The following CALCRL variants were observed in gnomAD, a reference collection of about 807,000 sequenced individuals.
CALCRL encodes calcitonin gene-related peptide type 1 receptor.
A neutral mutation model predicts 60.4 loss-of-function variants in CALCRL; 27 were observed. That is an observed-to-expected ratio of 0.45 (90% CI 0.33 to 0.62). The LOEUF is 0.62. CALCRL is among the 20% of genes least tolerant of loss of function. The pLI is 0.03. For missense variants in CALCRL, 424 were observed against 540.7 expected (o/e 0.78, Z 2.14); for synonymous variants, 190 against 182.6 (o/e 1.04, Z -0.33).
chr2:187,411,231 T>C (rs1410128188), intron 1 of CALCRL, among the ~76,000 whole-genome samples: 1 of 151,786 alleles, frequency 6.6e-6, no homozygotes, highest in Non-Finnish European at 1.5e-5. Context: ...ATATAAACTC[T>C]ATCAAAAGTT....
At chr2:187,417,946 A>G (rs1323810759) in intron 1 of CALCRL, among the ~76,000 whole-genome samples, 1 of 152,198 alleles carries the variant, frequency 6.6e-6, no homozygotes, top group African/African-American at 2.4e-5. Flanking sequence ...CAAAGTGTCA[A>G]GTGTTTACTT....
In CALCRL at chr2:187,346,389, A is replaced by G. The variant is rs750793098; in HGVS notation, c.1181T>C (p.Ile394Thr). 6.2e-7 allele frequency: 1 copy of G among 1,609,390 alleles called. No homozygotes were observed. The highest frequency in any genetic ancestry group is 8.5e-7 in the Non-Finnish European group (1 of 1,176,976). The part of the protein sequence containing the change: ...FCFFNGEVQA[I>T]LRRNWNQYKI... Reference sequence around the variant, plus strand: ...GTATTGATTCCAGTTTCTTCTCAGAATTGCTTGAACCTATCAATCAAAAGG... The same window carrying G: ...GTATTGATTCCAGTTTCTTCTCAGAGTTGCTTGAACCTATCAATCAAAAGG... The change falls in exon 15 of 15, where the codon ATT (isoleucine) becomes ACT (threonine). Residue 394 changes from isoleucine to threonine, a missense_variant. Ile to Thr is a moderately conservative substitution (Grantham distance 89). Coordinates refer to ENST00000392370, the MANE Select transcript of CALCRL (RefSeq NM_005795.6).
intron 1 of CALCRL, among the ~76,000 whole-genome samples, chr2:187,437,557 A>G (rs1455739457): frequency 6.6e-6 from 1 of 151,118 alleles, no homozygotes; most frequent in African/African-American, 2.4e-5. Flanking sequence ...TTTTTTTTCT[A>G]TTTTAAGCTC....
intron 1 of CALCRL, among the ~76,000 whole-genome samples, chr2:187,423,616 T>G (rs58337504): frequency 0.018 from 2,670 of 152,104 alleles, 72 homozygotes; most frequent in African/African-American, 0.061. Flanking sequence ...CAATTGTGTG[T>G]GTGATAGTGT....
At chr2:187,364,915 C>T (rs1316778901) in intron 8 of CALCRL, among the ~76,000 whole-genome samples, 1 of 152,068 alleles carries the variant, frequency 6.6e-6, no homozygotes, top group Non-Finnish European at 1.5e-5. Flanking sequence ...AGCTGGAATC[C>T]ATCAAAATAG....
intron 8 of CALCRL, among the ~76,000 whole-genome samples, chr2:187,366,939 C>CACACAA (rs1230292761): frequency 6.6e-6 from 1 of 151,314 alleles, no homozygotes; most frequent in Non-Finnish European, 1.5e-5. Context: ...CACACACACA[C>CACACAA]ACACACACAC....
chr2:187,444,320 A>G (rs959959090), intron 1 of CALCRL, among the ~76,000 whole-genome samples: 35 of 151,632 alleles, frequency 2.3e-4, no homozygotes, highest in Non-Finnish European at 5.2e-4. Flanking sequence ...AATAAAATAT[A>G]AAACTATAGC....
intron 3 of CALCRL, among the ~76,000 whole-genome samples, chr2:187,386,133 A>AGATAGATAGATAGGT (rs1553509540): frequency 1.3e-5 from 2 of 151,496 alleles, no homozygotes; most frequent in South Asian, 2.1e-4. Flanking sequence ...AACTTCTTAT[A>AGATAGATAGATAGGT]GATAGATAGA....
chr2:187,371,489 A>C (rs1218777407), intron 8 of CALCRL, among the ~76,000 whole-genome samples: 2 of 152,130 alleles, frequency 1.3e-5, no homozygotes, highest in Non-Finnish European at 2.9e-5. Context: ...CCAGGTTTTA[A>C]ATAAATGAAA....
At chr2:187,447,392 C>G (rs758336416) in intron 1 of CALCRL, among the ~76,000 whole-genome samples, 4 of 150,782 alleles carry the variant, frequency 2.7e-5, no homozygotes, top group African/African-American at 9.8e-5. Flanking sequence ...TCTTTGTAGC[C>G]GACACCATGA....
At position 187,352,326 on chromosome 2, in the gene CALCRL, G is replaced by T; in HGVS notation, c.916C>A (p.Leu306Ile). 1.9e-6 allele frequency: 3 copies of T among 1,601,686 alleles called. No homozygotes were observed. The highest frequency in any genetic ancestry group is 2.6e-6 in the Non-Finnish European group (3 of 1,170,830). Residue 306 changes from leucine to isoleucine, a missense_variant, in exon 13 of 15, where the codon CTT becomes ATT. Physicochemically the swap from Leu to Ile is conservative, Grantham distance 5 (BLOSUM62 2). Transcript: ENST00000392370. ...GPICAALLVNLFFLLNIVRVL... is the reference protein window; with the variant it reads ...GPICAALLVNIFFLLNIVRVL... ...CGTACAATATTTAACAAGAAAAAAA[G>T]ATTCACCTAAAAACGAAATTAAATG...
chr2:187,430,162 C>A (rs1479694094), intron 1 of CALCRL, among the ~76,000 whole-genome samples: 1 of 152,106 alleles, frequency 6.6e-6, no homozygotes, highest in Non-Finnish European at 1.5e-5. Flanking sequence ...AACAGTGAGT[C>A]ATGTGAAATG....
intron 9 of CALCRL, among the ~76,000 whole-genome samples, chr2:187,362,078 TA>T (rs1317400524): frequency 6.6e-6 from 1 of 151,962 alleles, no homozygotes; most frequent in Non-Finnish European, 1.5e-5. Context: ...TTGATTTCAT[TA>T]AAAAAGTTAA....
chr2:187,387,273 C>T (rs1688246064), intron 3 of CALCRL, 56 bp downstream of exon 3: 1 of 152,626 alleles, frequency 6.6e-6, no homozygotes, highest in Admixed American at 6.5e-5. Context: ...AATGACAGCA[C>T]ACTATTAATT....
In CALCRL at chr2:187,380,753, G is replaced by A. The variant is rs1181747897; in HGVS notation, c.219C>T (p.Leu73=). The change falls in exon 6 of 15, where the codon CTC becomes CTT. Residue 73 remains leucine (L), a synonymous_variant. Coordinates refer to ENST00000392370, the MANE Select transcript of CALCRL (RefSeq NM_005795.6). The stretch of plus-strand genomic sequence containing the variant: ...TTCCTGCTGCAACATCGTTCCAGCA[G>A]AGCCATCCATCCCAGGTTCTGTTGC... The part of the protein sequence containing the change: ...VYCNRTWDGW[L]CWNDVAAGTE... The A allele has an allele frequency of 1.2e-6, 2 of 1,614,090 alleles. No homozygotes were observed.
intron 1 of CALCRL, among the ~76,000 whole-genome samples, chr2:187,396,248 A>G (rs1490432296): frequency 6.6e-6 from 1 of 151,786 alleles, no homozygotes; most frequent in Non-Finnish European, 1.5e-5. Context: ...GCCTCTTTTG[A>G]GCTATTCTTA....
Position 187,351,207 on chromosome 2 carries a change from C to T in CALCRL, c.1170+713G>A, listed in dbSNP as rs1236456267. Among the ~76,000 whole-genome samples the T allele has an allele frequency of 5.0e-4, 2 of 4,024 alleles. 1 individual carries two copies. The highest frequency in any genetic ancestry group is 9.4e-4 in the Non-Finnish European group (2 of 2,118). The allele number at this position is 4,024 out of a possible 152,430, so 2.6% of individuals were successfully genotyped here. A position where few individuals can be genotyped will look rare whatever the true frequency, so the allele number is the denominator to read the frequency against. Reference sequence around the variant, plus strand: ...GGCTGAGGCAGGAGAATGGCGTGAACCTGGGAGGCGGAGCTTGCAGTGAGC... The same window carrying T: ...GGCTGAGGCAGGAGAATGGCGTGAATCTGGGAGGCGGAGCTTGCAGTGAGC... On this transcript the variant is annotated intron_variant, in intron 14 of 14. Transcript: ENST00000392370.
chr2:187,401,703 A>G (rs996994490), intron 1 of CALCRL, among the ~76,000 whole-genome samples: 1 of 151,638 alleles, frequency 6.6e-6, no homozygotes, highest in Non-Finnish European at 1.5e-5. Flanking sequence ...TGGAGCACTG[A>G]CAATTTACAA....
At chr2:187,419,293 C>T (rs958341253) in intron 1 of CALCRL, among the ~76,000 whole-genome samples, 12 of 152,090 alleles carry the variant, frequency 7.9e-5, no homozygotes, top group African/African-American at 2.7e-4. Context: ...GTAATAAATG[C>T]GTATCCCTAA....
Sources: allele counts gnomAD v4.1 joint callset (sites outside exome capture counted in the v4.1 genomes callset), GRCh38; gene constraint gnomAD v4.1.1; transcripts MANE v1.5; gene names NCBI Gene and HGNC (gene_info 2026-07-23, HGNC 2026-07-21).